The following SCN7A variants were observed in gnomAD, a reference collection of about 807,000 sequenced individuals.
SCN7A encodes sodium channel protein type 7 subunit alpha.
In SCN7A, 138 loss-of-function variants were observed where a neutral mutation model predicts 155.2. The ratio of observed to expected loss-of-function variants is 0.89; its 90% CI spans 0.77 to 1.02. The LOEUF is 1.02. Among genes scored for constraint, SCN7A ranks in the 50% least tolerant of loss-of-function variants. The pLI, the probability that SCN7A is intolerant of heterozygous loss-of-function variation, is 0.00. For missense variants in SCN7A, 2,058 were observed against 1,986.6 expected (o/e 1.04, Z -0.68); for synonymous variants, 693 against 649.0 (o/e 1.07, Z -1.03).
At chr2:166,409,550 T>G (rs1701149946) in intron 25 of SCN7A, 115 bp downstream of exon 25, 9 of 808,504 alleles carry the variant, frequency 1.1e-5, no homozygotes, top group African/African-American at 1.8e-5. Context: ...TTTTGCTTAT[T>G]AGGAGACTAT....
chr2:166,488,483 G>A (rs577085461), intron 1 of SCN7A, among the ~76,000 whole-genome samples: 65 of 152,156 alleles, frequency 4.3e-4, no homozygotes, highest in African/African-American at 1.4e-3. Flanking sequence ...AATTTTAATA[G>A]TCTAACTCTG....
chr2:166,472,047 T>C (rs1444316704), intron 6 of SCN7A, among the ~76,000 whole-genome samples: 1 of 151,888 alleles, frequency 6.6e-6, no homozygotes, highest in East Asian at 1.9e-4. Context: ...TTTGCCATGT[T>C]GGTGTGCTGC....
At chr2:166,425,785 T>C (rs1174792199) in intron 18 of SCN7A, among the ~76,000 whole-genome samples, 1 of 152,136 alleles carries the variant, frequency 6.6e-6, no homozygotes, top group Non-Finnish European at 1.5e-5. Context: ...TCTCCCTGTC[T>C]CAAGATCTTT....
At chr2:166,427,083 C>T (rs1040649449) in intron 18 of SCN7A, among the ~76,000 whole-genome samples, 99 of 152,124 alleles carry the variant, frequency 6.5e-4, no homozygotes, top group African/African-American at 2.1e-3. Flanking sequence ...TATTCTACAC[C>T]GTTCTTTTTC....
chr2:166,414,913 TATATAATATATATTATTATATA>T (rs1250767652), intron 21 of SCN7A, among the ~76,000 whole-genome samples: 1 of 93,048 alleles, frequency 1.1e-5, no homozygotes, highest in Non-Finnish European at 2.1e-5. Context: ...TATAGGATAA[TATATAATATATATTATTATATA>T]GGATAATATA....
At chr2:166,411,697 C>T (rs1575000155) in intron 23 of SCN7A, among the ~76,000 whole-genome samples, 4 of 151,930 alleles carry the variant, frequency 2.6e-5, no homozygotes, top group Non-Finnish European at 5.9e-5. Context: ...GGCATCTTAA[C>T]GTGAACAGAA....
At chr2:166,470,588 G>A in intron 7 of SCN7A, 27 bp downstream of exon 7, 2 of 1,567,358 alleles carry the variant, frequency 1.3e-6, no homozygotes, top group Non-Finnish European at 1.7e-6. Context: ...ACAAAATGAA[G>A]AAAAGACATT....
At chr2:166,425,091 C>T (rs1419005422) in intron 18 of SCN7A, among the ~76,000 whole-genome samples, 1 of 152,106 alleles carries the variant, frequency 6.6e-6, no homozygotes, top group Non-Finnish European at 1.5e-5. Context: ...CCTTTTGTCA[C>T]TCAAGGTGAA....
rs778855427 is a variant in SCN7A, at chr2:166,429,289, CCCA to C, written c.2593-18_2593-16del. 6.9e-6 allele frequency: 10 copies of C among 1,454,438 alleles called. No individual in the cohort carries two copies. The highest frequency in any genetic ancestry group is 9.3e-6 in the Non-Finnish European group (10 of 1,076,956). The allele number at this position is 1,454,438 out of a possible 1,614,324, so 90.1% of individuals were successfully genotyped here. ...TGCTTTATTTTCTAAAAGGTGAAGT[CCCA>C]CCAAAAAAGTTGTGATTAAAGTTTC... On this transcript the variant is annotated splice_polypyrimidine_tract_variant and intron_variant, in intron 16 of 25. Transcript: ENST00000643258.
intron 18 of SCN7A, among the ~76,000 whole-genome samples, chr2:166,425,272 T>C (rs1701598902): frequency 6.6e-6 from 1 of 151,948 alleles, no homozygotes; most frequent in Non-Finnish European, 1.5e-5. Context: ...TAGAGACAAC[T>C]CTCTTCATAC....
rs191379601 is a variant in SCN7A, at chr2:166,441,095, T to A, written c.2157+301A>T. 537 of 408,784 alleles carry A rather than the reference T, an allele frequency of 1.3e-3. 2 individuals carry two copies. The highest frequency in any genetic ancestry group is 0.01 in the African/African-American group (496 of 48,654). The allele number at this position is 408,784 out of a possible 1,614,324, so 25.3% of individuals were successfully genotyped here. On this transcript the variant is annotated intron_variant, in intron 15 of 25. Transcript: ENST00000643258. ...CAACTGAAACCACATACAGTGCAAC[T>A]GAGCATAAGGAGGACCTACTATATT...
chr2:166,493,079 T>C (rs1231991032), intron 1 of SCN7A, among the ~76,000 whole-genome samples: 1 of 152,216 alleles, frequency 6.6e-6, no homozygotes, highest in Non-Finnish European at 1.5e-5. Context: ...AGGCTAGTCA[T>C]AGCAGGTATG....
chr2:166,433,972 G>T (rs1285606091), intron 15 of SCN7A, among the ~76,000 whole-genome samples: 14 of 152,096 alleles, frequency 9.2e-5, no homozygotes, highest in Admixed American at 9.2e-4. Flanking sequence ...ACTTTCCAGA[G>T]AATCAGATTT....
intron 6 of SCN7A, 65 bp downstream of exon 6, chr2:166,472,251 TA>T: frequency 6.8e-7 from 1 of 1,464,442 alleles, no homozygotes; most frequent in East Asian, 2.4e-5. Context: ...AGACGTCAAT[TA>T]TTTTTTATGA....
At chr2:166,467,369 T>C (rs914538567) in intron 7 of SCN7A, among the ~76,000 whole-genome samples, 1 of 151,756 alleles carries the variant, frequency 6.6e-6, no homozygotes, top group African/African-American at 2.4e-5. Flanking sequence ...GAGTCCTTAG[T>C]ATATCTTTAT....
intron 15 of SCN7A, among the ~76,000 whole-genome samples, chr2:166,434,752 T>C (rs879482676): frequency 5.9e-5 from 9 of 152,168 alleles, no homozygotes; most frequent in Admixed American, 5.9e-4. Flanking sequence ...TCTTCTATTG[T>C]TTGGCTAAGT....
intron 11 of SCN7A, among the ~76,000 whole-genome samples, chr2:166,452,251 A>G (rs982335757): frequency 3.3e-5 from 5 of 151,886 alleles, no homozygotes; most frequent in Admixed American, 3.3e-4. Flanking sequence ...GGAAGATTAT[A>G]TCATTTCAGT....
rs34904581 is a variant in SCN7A, at chr2:166,444,849, T to C, written c.1539A>G (p.Ile513Met). ...GAAAACATACGTTTAAAATTATGCA[T>C]ATGATAAGGAAAAGATCAGTAAATG... ...MAPFTDLFLI[I>M]CIILNVCFLT... is the part of the protein sequence containing the mutation. The change falls in exon 13 of 26, where the codon ATA becomes ATG. Residue 513 changes from isoleucine (I) to methionine (M), a missense_variant. Transcript: ENST00000643258. 9.2e-4 allele frequency: 1,490 copies of C among 1,612,150 alleles called. 16 individuals carry two copies. In the African/African-American group the frequency reaches 0.017, roughly 19 times the overall value.
At chr2:166,426,784 C>T (rs561124746) in intron 18 of SCN7A, among the ~76,000 whole-genome samples, 1 of 152,150 alleles carries the variant, frequency 6.6e-6, no homozygotes, top group Admixed American at 6.5e-5. Context: ...ATCTAAGTCA[C>T]AAACGTGCAT....
Sources: gnomAD v4.1 joint callset for allele counts (sites outside exome capture counted in the v4.1 genomes callset) on GRCh38, gnomAD v4.1.1 for gene constraint, MANE v1.5 for transcripts, NCBI Gene and HGNC (gene_info 2026-07-23, HGNC 2026-07-21) for gene names.